Variants in CADM2 observed in about 807,000 individuals in gnomAD.
The protein encoded by CADM2 is cell adhesion molecule 2.
Under a neutral mutation model 49.8 loss-of-function variants are expected in CADM2, and 12 were observed. The ratio of observed to expected loss-of-function variants is 0.24; its 90% CI spans 0.15 to 0.39. CADM2 has a LOEUF of 0.39. Among genes scored for constraint, CADM2 ranks in the 10% least tolerant of loss-of-function variants. The pLI is 1.00. For synonymous variants in CADM2, 214 were observed against 175.4 expected (o/e 1.22, Z -1.74); for missense variants, 378 against 492.3 (o/e 0.77, Z 2.20).
intron 1 of CADM2, among the ~76,000 whole-genome samples, chr3:85,397,995 C>A (rs1406380045): frequency 6.6e-6 from 1 of 151,480 alleles, no homozygotes; most frequent in Non-Finnish European, 1.5e-5. Flanking sequence ...ATCCAGAAGC[C>A]TTTTTCTTTT....
At chr3:85,247,546 A>G (rs922946049) in intron 1 of CADM2, among the ~76,000 whole-genome samples, 3 of 152,188 alleles carry the variant, frequency 2.0e-5, no homozygotes, top group African/African-American at 7.2e-5. Flanking sequence ...TTAAATATCC[A>G]AAATGATATA....
chr3:85,872,940 G>T (rs559247962), intron 3 of CADM2, among the ~76,000 whole-genome samples: 1 of 152,116 alleles, frequency 6.6e-6, no homozygotes, highest in East Asian at 1.9e-4. Context: ...ATTGCATGTT[G>T]CTATAACAAA....
chr3:85,241,216 T>C (rs2042522643), intron 1 of CADM2, among the ~76,000 whole-genome samples: 1 of 151,466 alleles, frequency 6.6e-6, no homozygotes. Flanking sequence ...GTATGACCTC[T>C]GTGCAACATG....
At chr3:85,888,894 G>A (rs1714034698) in intron 5 of CADM2, among the ~76,000 whole-genome samples, 1 of 152,058 alleles carries the variant, frequency 6.6e-6, no homozygotes, top group African/African-American at 2.4e-5. Context: ...AGGGATAAAA[G>A]TTTGACTTCC....
At chr3:85,019,558 T>C (rs1559620100) in intron 1 of CADM2, among the ~76,000 whole-genome samples, 2 of 152,092 alleles carry the variant, frequency 1.3e-5, no homozygotes, top group African/African-American at 4.8e-5. Flanking sequence ...AATTGGCCAC[T>C]CTAACTAACA....
At chr3:85,249,646 T>A (rs1349580833) in intron 1 of CADM2, among the ~76,000 whole-genome samples, 1 of 151,980 alleles carries the variant, frequency 6.6e-6, no homozygotes, top group Admixed American at 6.6e-5. Context: ...CATTTAAAAC[T>A]AAAATAATTT....
At chr3:85,682,268 C>A (rs1204744259) in intron 1 of CADM2, among the ~76,000 whole-genome samples, 1 of 152,076 alleles carries the variant, frequency 6.6e-6, no homozygotes, top group Non-Finnish European at 1.5e-5. Context: ...CTAATTTGGT[C>A]AGTCTTGACT....
At chr3:85,065,976 G>A (rs2036514303) in intron 1 of CADM2, among the ~76,000 whole-genome samples, 1 of 152,166 alleles carries the variant, frequency 6.6e-6, no homozygotes, top group Admixed American at 6.6e-5. Context: ...AAAAACAACA[G>A]CCATGTTTTG....
At chr3:85,552,366 G>GTGTT (rs2061828186) in intron 1 of CADM2, among the ~76,000 whole-genome samples, 1 of 87,588 alleles carries the variant, frequency 1.1e-5, no homozygotes, top group African/African-American at 4.6e-5. Context: ...ACTTTGAAAA[G>GTGTT]TTTTTTTTTT....
intron 1 of CADM2, among the ~76,000 whole-genome samples, chr3:85,652,847 G>A (rs900745696): frequency 8.2e-6 from 1 of 121,726 alleles, no homozygotes; most frequent in Admixed American, 1.1e-4. Context: ...ACATGATCTC[G>A]GTTCACTGTA....
intron 1 of CADM2, among the ~76,000 whole-genome samples, chr3:85,244,163 T>C (rs2042595537): frequency 6.6e-6 from 1 of 152,140 alleles, no homozygotes; most frequent in Non-Finnish European, 1.5e-5. Flanking sequence ...ATTTTATCTG[T>C]GAAAATACTG....
At chr3:85,755,384 G>C (rs1461135169) in intron 2 of CADM2, among the ~76,000 whole-genome samples, 3 of 152,032 alleles carry the variant, frequency 2.0e-5, no homozygotes, top group Non-Finnish European at 4.4e-5. Context: ...GGAGTGGGTG[G>C]GTAGCCCAGA....
intron 2 of CADM2, among the ~76,000 whole-genome samples, chr3:85,751,097 A>G (rs776741532): frequency 4.6e-5 from 7 of 152,108 alleles, no homozygotes; most frequent in Non-Finnish European, 8.8e-5. Flanking sequence ...GGAGGTCCTA[A>G]TGTACAGTGA....
At chr3:85,336,598 G>T (rs1476186375) in intron 1 of CADM2, among the ~76,000 whole-genome samples, 1 of 150,710 alleles carries the variant, frequency 6.6e-6, no homozygotes, top group Non-Finnish European at 1.5e-5. Context: ...TATCAATTTG[G>T]ACTAATAGTC....
intron 5 of CADM2, among the ~76,000 whole-genome samples, chr3:85,894,335 G>T: frequency 6.6e-6 from 1 of 152,060 alleles, no homozygotes; most frequent in Non-Finnish European, 1.5e-5. Context: ...CATCCACACC[G>T]GGAACTGTTG....
At chr3:85,342,178 C>A (rs1361187663) in intron 1 of CADM2, among the ~76,000 whole-genome samples, 1 of 151,918 alleles carries the variant, frequency 6.6e-6, no homozygotes, top group African/African-American at 2.4e-5. Flanking sequence ...AAAAAACAAA[C>A]AACCCCATCA....
At chr3:85,295,508 A>T (rs1406397994) in intron 1 of CADM2, among the ~76,000 whole-genome samples, 2 of 152,150 alleles carry the variant, frequency 1.3e-5, no homozygotes, top group African/African-American at 2.4e-5. Context: ...TTATTGCGGC[A>T]TTATTCACAA....
intron 8 of CADM2, among the ~76,000 whole-genome samples, chr3:86,048,395 G>A (rs561894647): frequency 2.0e-5 from 3 of 152,022 alleles, no homozygotes; most frequent in African/African-American, 7.2e-5. Flanking sequence ...CTATTAAGAT[G>A]TATAACTAAT....
At chr3:85,899,186 G>A (rs540698335) in intron 5 of CADM2, among the ~76,000 whole-genome samples, 67 of 151,286 alleles carry the variant, frequency 4.4e-4, no homozygotes, top group Non-Finnish European at 8.5e-4. Context: ...GGCTGGTCTT[G>A]AACTCCTGAC....
Sources: gnomAD v4.1 joint callset for allele counts (sites outside exome capture counted in the v4.1 genomes callset) on GRCh38, gnomAD v4.1.1 for gene constraint, MANE v1.5 for transcripts, NCBI Gene and HGNC (gene_info 2026-07-23, HGNC 2026-07-21) for gene names.